The following CHRM3 variants were observed in gnomAD, a reference collection of about 807,000 sequenced individuals.
The protein encoded by CHRM3 is cholinergic receptor muscarinic 3.
A neutral mutation model predicts 41.8 loss-of-function variants in CHRM3; 11 were observed. The observed-to-expected ratio is 0.26, with a 90% confidence interval of 0.17 to 0.44. The LOEUF (loss-of-function observed/expected upper bound fraction) is 0.44, where lower values mean the gene tolerates loss of function less well. Ranked by LOEUF, CHRM3 falls within the 20% of genes least tolerant of loss-of-function variation. CHRM3 has a pLI of 1.00. For synonymous variants in CHRM3, 297 were observed against 301.4 expected, an observed-to-expected ratio of 0.99 and a Z score of 0.15; for missense variants, 571 against 745.4, an observed-to-expected ratio of 0.77 and a Z score of 2.72.
At chr1:239,766,018 T>C (rs774244237) in intron 5 of CHRM3, among the ~76,000 whole-genome samples, 8 of 152,098 alleles carry the variant, frequency 5.3e-5, no homozygotes, top group Non-Finnish European at 8.8e-5. Flanking sequence ...TTCACCATGT[T>C]GGCCAGGCTG....
intron 1 of CHRM3, among the ~76,000 whole-genome samples, chr1:239,423,384 C>G (rs531856570): frequency 1.3e-5 from 2 of 152,176 alleles, no homozygotes; most frequent in Non-Finnish European, 2.9e-5. Flanking sequence ...ACCACATACA[C>G]TCAAAGGCCA....
intron 5 of CHRM3, among the ~76,000 whole-genome samples, chr1:239,687,515 T>A (rs181778686): frequency 1.5e-3 from 229 of 152,306 alleles, no homozygotes; most frequent in African/African-American, 5.0e-3. Context: ...TTTCAAACTC[T>A]TTAACATTGA....
chr1:239,618,831 G>C (rs543850092), intron 3 of CHRM3, among the ~76,000 whole-genome samples: 1 of 131,750 alleles, frequency 7.6e-6, no homozygotes, highest in Non-Finnish European at 1.6e-5. Flanking sequence ...GAGACAGAGC[G>C]AGACTCTGTC....
chr1:239,733,471 T>C (rs1664140355), intron 5 of CHRM3, among the ~76,000 whole-genome samples: 1 of 152,070 alleles, frequency 6.6e-6, no homozygotes, highest in Non-Finnish European at 1.5e-5. Context: ...ACCTGACATC[T>C]AGTAAGCATC....
At chr1:239,675,076 TA>T (rs1413364651) in intron 4 of CHRM3, among the ~76,000 whole-genome samples, 2 of 152,160 alleles carry the variant, frequency 1.3e-5, no homozygotes, top group Non-Finnish European at 2.9e-5. Context: ...TTTATGTTAA[TA>T]GGGGTCAATT....
intron 5 of CHRM3, among the ~76,000 whole-genome samples, chr1:239,714,754 G>A (rs1662170631): frequency 6.6e-6 from 1 of 152,158 alleles, no homozygotes; most frequent in South Asian, 2.1e-4. Context: ...CTGAGGGGCA[G>A]GAGAACCAGA....
At chr1:239,581,007 A>G (rs1204296335) in intron 3 of CHRM3, among the ~76,000 whole-genome samples, 2 of 151,698 alleles carry the variant, frequency 1.3e-5, no homozygotes, top group Non-Finnish European at 2.9e-5. Context: ...CTTGACATAA[A>G]CCTCAGGATA....
chr1:239,540,767 T>G (rs958534465), intron 2 of CHRM3, among the ~76,000 whole-genome samples: 3 of 152,174 alleles, frequency 2.0e-5, no homozygotes, highest in African/African-American at 4.8e-5. Flanking sequence ...TTGCATACAT[T>G]TCCTTATATC....
chr1:239,684,889 A>G (rs1476591000), intron 5 of CHRM3, among the ~76,000 whole-genome samples: 1 of 152,048 alleles, frequency 6.6e-6, no homozygotes, highest in Non-Finnish European at 1.5e-5. Context: ...GGAGGGGAAA[A>G]GATAAGAATA....
At chr1:239,508,108 A>T (rs1572540620) in intron 2 of CHRM3, among the ~76,000 whole-genome samples, 1 of 152,228 alleles carries the variant, frequency 6.6e-6, no homozygotes, top group African/African-American at 2.4e-5. Context: ...GTCTTTGGAA[A>T]TGACTAGTAA....
At chr1:239,771,859 A>G (rs764755053) in intron 5 of CHRM3, among the ~76,000 whole-genome samples, 13 of 152,230 alleles carry the variant, frequency 8.5e-5, no homozygotes, top group Admixed American at 2.6e-4. Context: ...AGTGTGGTCA[A>G]TCTGTATGTG....
chr1:239,569,118 TATGTG>T (rs1367160786), intron 3 of CHRM3, among the ~76,000 whole-genome samples: 1 of 152,216 alleles, frequency 6.6e-6, no homozygotes, highest in African/African-American at 2.4e-5. Flanking sequence ...TTTAAATATT[TATGTG>T]ATAAGTGTAT....
intron 3 of CHRM3, among the ~76,000 whole-genome samples, chr1:239,588,440 C>A (rs2148622265): frequency 6.6e-6 from 1 of 152,266 alleles, no homozygotes; most frequent in Admixed American, 6.5e-5. Context: ...TCACTGAATG[C>A]TCATTAATTC....
intron 3 of CHRM3, among the ~76,000 whole-genome samples, chr1:239,597,042 A>G (rs2148665639): frequency 6.6e-6 from 1 of 152,296 alleles, no homozygotes; most frequent in African/African-American, 2.4e-5. Context: ...AGCAGAAGTC[A>G]AAATAAAAAC....
chr1:239,895,506 C>G (rs1470742062), intron 6 of CHRM3, among the ~76,000 whole-genome samples: 1 of 152,218 alleles, frequency 6.6e-6, no homozygotes, highest in Non-Finnish European at 1.5e-5. Context: ...CCTATAGACA[C>G]ATACATGCAT....
chr1:239,707,322 G>A (rs1661291834), intron 5 of CHRM3: 3 of 151,922 alleles, frequency 2.0e-5, no homozygotes, highest in Admixed American at 6.6e-5. Flanking sequence ...TTTTATTCGC[G>A]AGTCTAAAAA....
intron 2 of CHRM3, among the ~76,000 whole-genome samples, chr1:239,522,471 A>T (rs1408518526): frequency 6.6e-6 from 1 of 152,186 alleles, no homozygotes; most frequent in Non-Finnish European, 1.5e-5. Flanking sequence ...TACTCAGCCA[A>T]ACTCTTCCTA....
At chr1:239,768,260 G>C (rs1201257815) in intron 5 of CHRM3, among the ~76,000 whole-genome samples, 1 of 152,114 alleles carries the variant, frequency 6.6e-6, no homozygotes, top group Non-Finnish European at 1.5e-5. Flanking sequence ...CTTAGGATTA[G>C]CGTTCACTTC....
chr1:239,836,699 C>G (rs1267556796), intron 6 of CHRM3, among the ~76,000 whole-genome samples: 1 of 152,098 alleles, frequency 6.6e-6, no homozygotes, highest in Non-Finnish European at 1.5e-5. Flanking sequence ...TGGAGGGGGC[C>G]TGGCGTGGTG....
Sources: allele counts gnomAD v4.1 joint callset (sites outside exome capture counted in the v4.1 genomes callset), GRCh38; gene constraint gnomAD v4.1.1; transcripts MANE v1.5; gene names NCBI Gene and HGNC (gene_info 2026-07-23, HGNC 2026-07-21).